Variants in SIGLEC8 observed in about 807,000 individuals in gnomAD.
SIGLEC8 encodes the protein sialic acid-binding Ig-like lectin 8.
In SIGLEC8, 32 loss-of-function variants were observed where a neutral mutation model predicts 42.1. That is an observed-to-expected ratio of 0.76 (90% CI 0.57 to 1.02). SIGLEC8 has a LOEUF of 1.02. SIGLEC8 is among the 50% of genes least tolerant of loss of function. The pLI, the probability that SIGLEC8 is intolerant of heterozygous loss-of-function variation, is 0.00. For synonymous variants in SIGLEC8, 262 were observed against 260.3 expected (o/e 1.01, Z -0.06); for missense variants, 611 against 610.2 (o/e 1.00, Z -0.01).
At position 51,452,229 on chromosome 19, in the gene SIGLEC8, T is replaced by G. The variant is rs1989379748; in HGVS notation, c.*150A>C. On this transcript the variant is annotated 3_prime_UTR_variant, in exon 7 of 7. Coordinates refer to ENST00000321424, the MANE Select transcript of SIGLEC8 (RefSeq NM_014442.3). ...AACCTCAGAGAGGTCGAGAGGAGAA[T>G]GGTGGGTAGTAGAAGCTAGAGGCAG... 2 of 567,322 alleles carry G rather than the reference T, an allele frequency of 3.5e-6. No individual in the cohort carries two copies. The highest frequency in any genetic ancestry group is 3.2e-5 in the Admixed American group (1 of 31,532). The allele number at this position is 567,322 out of a possible 1,614,324, so 35.1% of individuals were successfully genotyped here. A position where few individuals can be genotyped will look rare whatever the true frequency, so the allele number is the denominator to read the frequency against.
chr19:51,457,247 A>G lies in SIGLEC8; in HGVS notation c.734-16T>C. 1 of 1,611,170 alleles carries G rather than the reference A, an allele frequency of 6.2e-7. No homozygotes were observed. Among genetic ancestry groups the G allele is most frequent in the South Asian group, 1.1e-5 (1 of 90,874 alleles). On this transcript the variant is annotated splice_polypyrimidine_tract_variant and intron_variant, in intron 2 of 6. Coordinates refer to ENST00000321424, the MANE Select transcript of SIGLEC8 (RefSeq NM_014442.3). The stretch of plus-strand genomic sequence containing the variant: ...CAAGGAGGGTCTGGGACAGAAAGAC[A>G]TGAAGACCCACATTACTATAAGGAC...
Position 51,458,185 on chromosome 19 carries a change from C to A in SIGLEC8, c.203G>T (p.Arg68Leu), listed in dbSNP as rs780098306. 1.2e-6 allele frequency: 2 copies of A among 1,614,080 alleles called. No individual in the cohort carries two copies. Among genetic ancestry groups the A allele is most frequent in the East Asian group, 2.2e-5 (1 of 44,880 alleles). The change falls in exon 1 of 7, where the codon CGG (arginine) becomes CTG (leucine). Residue 68 changes from arginine to leucine, a missense_variant. Transcript: ENST00000321424. Reference sequence around the variant, plus strand: ...GTCTTGGTATGGTCTGTCTCCTGCCCGGAACCAGTAGCCATGAACTGGGTC... The same window carrying A: ...GTCTTGGTATGGTCTGTCTCCTGCCAGGAACCAGTAGCCATGAACTGGGTC... ...DSDPVHGYWF[R>L]AGDRPYQDAP...
In SIGLEC8 at chr19:51,454,615, C is replaced by T. The variant is rs1989446870; in HGVS notation, c.1148+69G>A. 1.5e-6 allele frequency: 2 copies of T among 1,363,760 alleles called. No individual in the cohort carries two copies. Among genetic ancestry groups the T allele is most frequent in the African/African-American group, 2.9e-5 (2 of 69,946 alleles). The allele number at this position is 1,363,760 out of a possible 1,614,324, so 84.5% of individuals were successfully genotyped here. On this transcript the variant is annotated intron_variant, in intron 5 of 6. Coordinates refer to ENST00000321424, the MANE Select transcript of SIGLEC8 (RefSeq NM_014442.3). The surrounding 1 kb of genome is among the most constrained non-coding windows in gnomAD (Gnocchi z 4.7). ...CCCATCCAGGTCCTTCCAGCTCTGG[C>T]TTCAGGGATTCTGTTCCCGGTCTGC...
chr19:51,454,169 C>T lies in SIGLEC8; in HGVS notation c.1245+50G>A. On this transcript the variant is annotated intron_variant, in intron 6 of 6. Coordinates refer to ENST00000321424, the MANE Select transcript of SIGLEC8 (RefSeq NM_014442.3). This position sits in a 1 kb window ranked among gnomAD's most constrained non-coding sequence, Gnocchi z 4.7. ...AGAGCGATCCTGGGGGCCATCCTGT[C>T]AGAGGTGTCCAGGCTGGATGCTCGG... 3 of 1,612,094 alleles carry T rather than the reference C, an allele frequency of 1.9e-6. No homozygotes were observed. Among genetic ancestry groups the T allele is most frequent in the Non-Finnish European group, 2.5e-6 (3 of 1,178,952 alleles).
At chr19:51,457,156 C>A (rs752631548) in intron 3 of SIGLEC8, 28 bp downstream of exon 3, 2 of 1,609,464 alleles carry the variant, frequency 1.2e-6, no homozygotes, top group Non-Finnish European at 1.7e-6. Context: ...CCTGCTCCCC[C>A]AACCCCAGGG....
At position 51,455,665 on chromosome 19, in the gene SIGLEC8, G is replaced by A. The variant is rs962578490; in HGVS notation, c.804C>T (p.Gly268=). 1 of 1,613,674 alleles carries A rather than the reference G, an allele frequency of 6.2e-7. No homozygotes were observed. The highest frequency in any genetic ancestry group is 8.5e-7 in the Non-Finnish European group (1 of 1,179,800). ...DATASTALGN[G]SSLSVLEGQS... is the part of the protein sequence containing the mutation. Reference sequence around the variant, plus strand: ...GGCCCTCAAGGACTGAAAGAGATGAGCCATTTCCCAGGGCTGTGGATGCTG... The same window carrying A: ...GGCCCTCAAGGACTGAAAGAGATGAACCATTTCCCAGGGCTGTGGATGCTG... Residue 268 remains glycine (G), a synonymous_variant, in exon 4 of 7, where the codon GGC becomes GGT. Transcript: ENST00000321424.
rs772258564 is a variant in SIGLEC8 at position 51,457,534 on chromosome 19, G to A, written c.660C>T (p.Thr220=). The change falls in exon 2 of 7, where the codon ACC becomes ACT. Residue 220 remains threonine (T), a synonymous_variant. Coordinates refer to ENST00000321424, the MANE Select transcript of SIGLEC8 (RefSeq NM_014442.3). The part of the protein sequence containing the change: ...TLTPKPQDHG[T]SLTCQVTLPG... ...GCAAGGTCACCTGACAGGTGAGGCT[G>A]GTGCCGTGGTCCTGGGGCTTTGGGG... 6.2e-7 allele frequency: 1 copy of A among 1,614,036 alleles called. No individual in the cohort carries two copies. Among genetic ancestry groups the A allele is most frequent in the Non-Finnish European group, 8.5e-7 (1 of 1,180,016 alleles).
rs113675737 is a variant in SIGLEC8, at chr19:51,458,404, G to C, written c.-17C>G. The C allele has an allele frequency of 1.2e-6, 2 of 1,602,848 alleles. No individual in the cohort carries two copies. The highest frequency in any genetic ancestry group is 1.7e-6 in the Non-Finnish European group (2 of 1,174,090). On this transcript the variant is annotated 5_prime_UTR_variant, in exon 1 of 7. Coordinates refer to ENST00000321424, the MANE Select transcript of SIGLEC8 (RefSeq NM_014442.3). ...CAGCAGCATGTCTGGGTTTGAAGGC[G>C]CCAGGGCCGCCAGGGAACGTCTGTT... is the stretch of plus-strand genomic sequence containing the variant.
Position 51,452,502 on chromosome 19 carries a change from G to A in SIGLEC8, c.1377C>T (p.Asp459=), listed in dbSNP as rs751798248. 5.0e-6 allele frequency: 8 copies of A among 1,609,138 alleles called. No individual in the cohort carries two copies. The East Asian group carries it at 1.8e-4, about 36-fold the overall frequency. ...TLSFHKVKPQ[D]PQGQEATDSE... The stretch of plus-strand genomic sequence containing the variant: ...TGTCAGTGGCCTCCTGTCCCTGCGG[G>A]TCCTGAGGCTTCACTTTATGGAAGC... The change falls in exon 7 of 7, where the codon GAC becomes GAT. Residue 459 remains aspartate (D), a synonymous_variant. Coordinates refer to ENST00000321424, the MANE Select transcript of SIGLEC8 (RefSeq NM_014442.3).
Position 51,457,672 on chromosome 19 carries a change from G to C in SIGLEC8, c.522C>G (p.Thr174=). The part of the protein sequence containing the change: ...TLESGHSRNL[T]CSVPWACKQG... ...GCTTACAGGCCCAGGGCACAGAGCA[G>C]GTCAGGTTCCTGGAGTGGCCAGACT... Residue 174 remains threonine (T), a synonymous_variant, in exon 2 of 7, where the codon ACC becomes ACG. Coordinates refer to ENST00000321424, the MANE Select transcript of SIGLEC8 (RefSeq NM_014442.3). 6.2e-7 allele frequency: 1 copy of C among 1,609,738 alleles called. No individual in the cohort carries two copies. The highest frequency in any genetic ancestry group is 8.5e-7 in the Non-Finnish European group (1 of 1,177,836).
At chr19:51,456,213 T>TATAATAATAATA (rs368300815) in intron 3 of SIGLEC8, among the ~76,000 whole-genome samples, 342 of 150,700 alleles carry the variant, frequency 2.3e-3, no homozygotes, top group African/African-American at 8.1e-3. Context: ...AAACTTAAAG[T>TATAATAATAATA]ATAATAATAA....
intron 6 of SIGLEC8, 66 bp from the exon 7 acceptor site, chr19:51,452,699 A>C (rs1242496164): frequency 5.8e-6 from 8 of 1,381,906 alleles, no homozygotes; most frequent in Non-Finnish European, 7.6e-6. Context: ...GGGAGAGTCC[A>C]GGAAGGAGGC....
rs953066990 is a variant in SIGLEC8 at position 51,453,565 on chromosome 19, C to T, written c.1245+654G>A. Reference sequence around the variant, plus strand: ...CAAAAATTAGCCTGGCTTGGTGGCGCGTGCCTGTAATCCTGGCTACTTGGG... The same window carrying T: ...CAAAAATTAGCCTGGCTTGGTGGCGTGTGCCTGTAATCCTGGCTACTTGGG... On this transcript the variant is annotated intron_variant, in intron 6 of 6. Coordinates refer to ENST00000321424, the MANE Select transcript of SIGLEC8 (RefSeq NM_014442.3). The T allele has an allele frequency of 3.4e-5, 13 of 380,982 alleles. No individual in the cohort carries two copies. The Admixed American group carries it at 3.9e-4, about 11-fold the overall frequency. 23.6% of individuals were successfully genotyped at this position (380,982 alleles called of 1,614,324 possible). A position where few individuals can be genotyped will look rare whatever the true frequency, so the allele number is the denominator to read the frequency against.
chr19:51,452,764 A>C, intron 6 of SIGLEC8, 131 bp from the exon 7 acceptor site: 1 of 801,738 alleles, frequency 1.2e-6, no homozygotes, highest in Non-Finnish European at 1.8e-6. Context: ...AGTGTCTTTC[A>C]TGCTTTCCTC....
chr19:51,456,528 G>A (rs907054883), intron 3 of SIGLEC8, among the ~76,000 whole-genome samples: 1 of 152,222 alleles, frequency 6.6e-6, no homozygotes, highest in Non-Finnish European at 1.5e-5. Flanking sequence ...TTCTGCGGAA[G>A]GATATTTGTG....
Position 51,452,305 on chromosome 19 carries a change from G to A in SIGLEC8, c.*74C>T. 1 of 1,359,800 alleles carries A rather than the reference G, an allele frequency of 7.4e-7. No individual in the cohort carries two copies. The highest frequency in any genetic ancestry group is 1.0e-6 in the Non-Finnish European group (1 of 1,000,160). The allele number at this position is 1,359,800 out of a possible 1,614,324, so 84.2% of individuals were successfully genotyped here. A position where few individuals can be genotyped will look rare whatever the true frequency, so the allele number is the denominator to read the frequency against. On this transcript the variant is annotated 3_prime_UTR_variant, in exon 7 of 7. Coordinates refer to ENST00000321424, the MANE Select transcript of SIGLEC8 (RefSeq NM_014442.3). Reference sequence around the variant, plus strand: ...AGGGGAGACATTGGTCCAAGTTTTGGTTAGACAGGAGGAGGGAGCCCTGGT... The same window carrying A: ...AGGGGAGACATTGGTCCAAGTTTTGATTAGACAGGAGGAGGGAGCCCTGGT...
intron 3 of SIGLEC8, among the ~76,000 whole-genome samples, chr19:51,455,992 G>T (rs373247744): frequency 6.7e-6 from 1 of 149,816 alleles, no homozygotes; most frequent in Non-Finnish European, 1.5e-5. Flanking sequence ...AACAAACACC[G>T]CATGTTCTCA....
Position 51,457,453 on chromosome 19 carries a change from G to A in SIGLEC8, c.733+8C>T. 1 of 1,613,452 alleles carries A rather than the reference G, an allele frequency of 6.2e-7. No homozygotes were observed. The highest frequency in any genetic ancestry group is 8.5e-7 in the Non-Finnish European group (1 of 1,179,950). The stretch of plus-strand genomic sequence containing the variant: ...TGAGGGACCTGGGCATCTTGGTCCA[G>A]CACTCACAGGACACATCGAGGCGGA... On this transcript the variant is annotated splice_region_variant and intron_variant, in intron 2 of 6. Coordinates refer to ENST00000321424, the MANE Select transcript of SIGLEC8 (RefSeq NM_014442.3).
Position 51,454,334 on chromosome 19 carries a change from G to A in SIGLEC8, c.1149-19C>T, listed in dbSNP as rs746389750. 37 of 1,612,688 alleles carry A rather than the reference G, an allele frequency of 2.3e-5. No homozygotes were observed. Among genetic ancestry groups the A allele is most frequent in the Non-Finnish European group, 3.1e-5 (36 of 1,179,994 alleles). ...CCTCACTCTGAGTGAAGAGACCAGA[G>A]AGCCTTTCAGTGTGGTCAGATCGGG... On this transcript the variant is annotated intron_variant, in intron 5 of 6. Transcript: ENST00000321424. The surrounding 1 kb of genome is among the most constrained non-coding windows in gnomAD (Gnocchi z 4.7).
Sources: allele counts gnomAD v4.1 joint callset (sites outside exome capture counted in the v4.1 genomes callset), GRCh38; gene constraint gnomAD v4.1.1; non-coding constraint Gnocchi (gnomAD v3.1); transcripts MANE v1.5; gene names NCBI Gene and HGNC (gene_info 2026-07-23, HGNC 2026-07-21).